The following KHDRBS2 variants were observed in gnomAD, a reference collection of about 807,000 sequenced individuals.
KHDRBS2 encodes KH RNA binding domain containing, signal transduction associated 2, also known as KH domain-containing, RNA-binding, signal transduction-associated protein 2.
In KHDRBS2, 26 loss-of-function variants were observed where a neutral mutation model predicts 44.3. That is an observed-to-expected ratio of 0.59 (90% CI 0.43 to 0.81). The LOEUF (loss-of-function observed/expected upper bound fraction) is 0.81, where lower values mean the gene tolerates loss of function less well. Among genes scored for constraint, KHDRBS2 ranks in the 40% least tolerant of loss-of-function variants. The probability of loss-of-function intolerance (pLI) is 0.00; values close to 1 mark genes in which losing one functional copy is unlikely to be tolerated. For missense variants in KHDRBS2, 476 were observed against 433.1 expected (o/e 1.10, Z -0.88); for synonymous variants, 194 against 151.1 (o/e 1.28, Z -2.08).
chr6:61,769,284 C>A (rs1353152762), intron 6 of KHDRBS2, among the ~76,000 whole-genome samples: 1 of 152,086 alleles, frequency 6.6e-6, no homozygotes, highest in Admixed American at 6.5e-5. Context: ...GTACCGGGTT[C>A]ATCTCACTGG....
At chr6:61,932,632 C>T (rs1810278935) in intron 4 of KHDRBS2, among the ~76,000 whole-genome samples, 1 of 152,046 alleles carries the variant, frequency 6.6e-6, no homozygotes, top group Non-Finnish European at 1.5e-5. Flanking sequence ...AAACCCATCT[C>T]TCTAAAAATA....
the KHDRBS2 span, among the ~76,000 whole-genome samples, chr6:61,665,566 G>A: frequency 4.0e-5 from 6 of 151,298 alleles, no homozygotes; most frequent in African/African-American, 1.4e-4. Flanking sequence ...AATAAAATTA[G>A]AAGGTTGGTA....
At chr6:61,888,719 G>A (rs979699809) in intron 6 of KHDRBS2, among the ~76,000 whole-genome samples, 2 of 151,860 alleles carry the variant, frequency 1.3e-5, no homozygotes, top group Admixed American at 1.3e-4. Context: ...CCGCCACCAT[G>A]CCCAGCTAAC....
At chr6:61,949,287 G>A (rs896831544) in intron 4 of KHDRBS2, among the ~76,000 whole-genome samples, 2 of 152,074 alleles carry the variant, frequency 1.3e-5, no homozygotes, top group African/African-American at 4.8e-5. Flanking sequence ...GAACTCAGAA[G>A]GAAAAGATAG....
chr6:62,133,491 G>A (rs1477853014), intron 2 of KHDRBS2, among the ~76,000 whole-genome samples: 2 of 152,108 alleles, frequency 1.3e-5, no homozygotes, highest in African/African-American at 4.8e-5. Flanking sequence ...TTTATAAATT[G>A]CCCAGTCTCA....
At chr6:62,240,579 A>C (rs1432950309) in intron 1 of KHDRBS2, among the ~76,000 whole-genome samples, 5 of 148,940 alleles carry the variant, frequency 3.4e-5, no homozygotes, top group African/African-American at 4.9e-5. Flanking sequence ...ATACATATAC[A>C]TATATACATA....
chr6:61,743,082 A>G (rs574103315), intron 6 of KHDRBS2, among the ~76,000 whole-genome samples: 10 of 152,222 alleles, frequency 6.6e-5, no homozygotes, highest in Admixed American at 4.6e-4. Flanking sequence ...CTTTTCAATC[A>G]GCCCAGTAAA....
chr6:61,982,201 TAA>T (rs1773979961), intron 3 of KHDRBS2, among the ~76,000 whole-genome samples: 2 of 126,972 alleles, frequency 1.6e-5, no homozygotes, highest in Non-Finnish European at 3.3e-5. Flanking sequence ...GATGAAGAAA[TAA>T]AGTCACTGCA....
At chr6:61,599,110 T>G in the KHDRBS2 span, among the ~76,000 whole-genome samples, 2 of 151,914 alleles carry the variant, frequency 1.3e-5, no homozygotes, top group South Asian at 2.1e-4. Context: ...ATTTTTTGTA[T>G]TTTTTAGTAG....
At chr6:61,822,542 T>G (rs1790094228) in intron 6 of KHDRBS2, among the ~76,000 whole-genome samples, 1 of 151,986 alleles carries the variant, frequency 6.6e-6, no homozygotes, top group African/African-American at 2.4e-5. Flanking sequence ...TCCACAAAAC[T>G]CAGGTCTCAT....
the KHDRBS2 span, among the ~76,000 whole-genome samples, chr6:61,588,806 G>A: frequency 6.6e-6 from 1 of 151,804 alleles, no homozygotes; most frequent in Non-Finnish European, 1.5e-5. Flanking sequence ...AAAAAGACTT[G>A]GAACCAACCC....
chr6:61,753,504 G>C (rs1183004456), intron 6 of KHDRBS2, among the ~76,000 whole-genome samples: 1 of 152,186 alleles, frequency 6.6e-6, no homozygotes, highest in Non-Finnish European at 1.5e-5. Flanking sequence ...TAAGCAGAGA[G>C]AGAATTGCAA....
intron 7 of KHDRBS2, among the ~76,000 whole-genome samples, chr6:61,728,494 A>G (rs1251724984): frequency 6.6e-6 from 1 of 152,196 alleles, no homozygotes; most frequent in African/African-American, 2.4e-5. Flanking sequence ...TATTAATCAC[A>G]TATTTGTTTA....
At chr6:61,718,866 C>T (rs1203458049) in intron 7 of KHDRBS2, among the ~76,000 whole-genome samples, 1 of 152,160 alleles carries the variant, frequency 6.6e-6, no homozygotes, top group Non-Finnish European at 1.5e-5. Context: ...AAACTCTCCA[C>T]AAATTATCCT....
chr6:61,897,337 A>C (rs1414102990), intron 5 of KHDRBS2, among the ~76,000 whole-genome samples: 1 of 152,158 alleles, frequency 6.6e-6, no homozygotes, highest in African/African-American at 2.4e-5. Flanking sequence ...TCATGTGGGC[A>C]GTTCTAAGTT....
At chr6:61,801,548 T>C (rs1786279727) in intron 6 of KHDRBS2, among the ~76,000 whole-genome samples, 1 of 152,162 alleles carries the variant, frequency 6.6e-6, no homozygotes, top group African/African-American at 2.4e-5. Flanking sequence ...CACTGATGAA[T>C]AGCTCATTTG....
At chr6:62,100,338 T>C (rs368434579) in intron 2 of KHDRBS2, among the ~76,000 whole-genome samples, 1 of 152,216 alleles carries the variant, frequency 6.6e-6, no homozygotes, top group Non-Finnish European at 1.5e-5. Context: ...CTGATGAAGA[T>C]TCTGTGAACA....
chr6:61,622,785 T>A, the KHDRBS2 span, among the ~76,000 whole-genome samples: 4 of 151,968 alleles, frequency 2.6e-5, no homozygotes, highest in African/African-American at 4.8e-5. Context: ...ACACCATTCA[T>A]TGAGGTCAAG....
chr6:61,748,179 C>T (rs183359081), intron 6 of KHDRBS2, among the ~76,000 whole-genome samples: 52 of 152,152 alleles, frequency 3.4e-4, no homozygotes, highest in African/African-American at 6.7e-4. Context: ...TTAGTAGAGA[C>T]GGGGTTTCAC....
Sources: allele counts gnomAD v4.1 joint callset (sites outside exome capture counted in the v4.1 genomes callset), GRCh38; gene constraint gnomAD v4.1.1; transcripts MANE v1.5; gene names NCBI Gene and HGNC (gene_info 2026-07-23, HGNC 2026-07-21).